ZFHX2: variants seen among roughly 807,000 people sequenced by gnomAD.
The protein encoded by ZFHX2 is zinc finger homeobox 2, also known as zinc finger homeobox protein 2.
A neutral mutation model predicts 164.8 loss-of-function variants in ZFHX2; 75 were observed. The observed-to-expected ratio is 0.46, with a 90% CI of 0.38 to 0.55. ZFHX2 has a LOEUF of 0.55. ZFHX2 is among the 20% of genes least tolerant of loss of function. ZFHX2 has a pLI of 0.00. For synonymous variants in ZFHX2, 1,217 were observed against 1,351.4 expected (o/e 0.90, Z 2.18); for missense variants, 2,933 against 3,308.0 (o/e 0.89, Z 2.78).
rs960327687 is a variant in ZFHX2, at chr14:23,523,895, G to A, written c.6047C>T (p.Ala2016Val). Residue 2016 changes from alanine to valine, a missense_variant, in exon 9 of 10, where the codon GCT becomes GTT. Transcript: ENST00000419474. The surrounding 1 kb of genome is among the most constrained non-coding windows in gnomAD (Gnocchi z 4.1). ...EEEGPEEPPK[A>V]SPESEACSLS... is the part of the protein sequence containing the mutation. Reference sequence around the variant, plus strand: ...ACTGCAAGCCTCACTCTCTGGAGAAGCTTTAGGTGGTTCCTCTGGGCCCTC... The same window carrying A: ...ACTGCAAGCCTCACTCTCTGGAGAAACTTTAGGTGGTTCCTCTGGGCCCTC... 3.3e-6 allele frequency: 5 copies of A among 1,536,238 alleles called. No homozygotes were observed. Among genetic ancestry groups the A allele is most frequent in the Non-Finnish European group, 3.5e-6 (4 of 1,146,922 alleles).
In ZFHX2 at chr14:23,525,312, G is replaced by A. The variant is rs970267675; in HGVS notation, c.4630C>T (p.Pro1544Ser). 13 of 1,535,966 alleles carry A rather than the reference G, an allele frequency of 8.5e-6. No individual in the cohort carries two copies. The Admixed American group carries it at 1.8e-4, about 21-fold the overall frequency. Reference protein sequence around the residue: ...PKPPDGSLDSPVPHLGPPFLV... With the variant: ...PKPPDGSLDSSVPHLGPPFLV... ...AAGGGTGGGCCCAGATGGGGAACAG[G>A]TGAATCCAGAGACCCATCAGGAGGT... Residue 1544 changes from proline to serine, a missense_variant, in exon 9 of 10, where the codon CCT becomes TCT. Transcript: ENST00000419474. The surrounding 1 kb of genome is among the most constrained non-coding windows in gnomAD (Gnocchi z 5.9).
Position 23,532,558 on chromosome 14 carries a change from C to A in ZFHX2, c.2559+9G>T. On this transcript the variant is annotated intron_variant, in intron 3 of 9. Transcript: ENST00000419474. ...CCTCTTCCGATGGCCCTTCCTGACCCAGCCTCACCTTATAGATTTGGCTGT... is the reference window on the plus strand; with the variant it reads ...CCTCTTCCGATGGCCCTTCCTGACCAAGCCTCACCTTATAGATTTGGCTGT... 7.0e-7 allele frequency: 1 copy of A among 1,434,024 alleles called. No individual in the cohort carries two copies. 88.8% of individuals were successfully genotyped at this position (1,434,024 alleles called of 1,614,324 possible). A position where few individuals can be genotyped will look rare whatever the true frequency, so the allele number is the denominator to read the frequency against.
chr14:23,528,858 G>A (rs910247497), intron 6 of ZFHX2: 1 of 984,366 alleles, frequency 1.0e-6, no homozygotes, highest in Non-Finnish European at 1.2e-6. Context: ...TACCCAGCCT[G>A]CATCCAGGCT....
At position 23,522,098 on chromosome 14, in the gene ZFHX2, C is replaced by T; in HGVS notation, c.7583G>A (p.Gly2528Glu). Residue 2528 changes from glycine to glutamate, a missense_variant, in exon 10 of 10, where the codon GGG becomes GAG. Gly to Glu is a moderately conservative substitution (Grantham distance 98, BLOSUM62 -2). Transcript: ENST00000419474. ...GTTGGTGATGGAGATGGGTGGGCCC[C>T]CTTGAGGTGGGGCTGCCTTGCGCCT... ...AHRRKAAPPQ[G>E]GPPISITNAA... The T allele has an allele frequency of 1.3e-6, 2 of 1,535,682 alleles. No individual in the cohort carries two copies. The highest frequency in any genetic ancestry group is 1.7e-6 in the Non-Finnish European group (2 of 1,146,540).
chr14:23,544,436 T>C (rs1175129921), intron 1 of ZFHX2, among the ~76,000 whole-genome samples: 1 of 152,196 alleles, frequency 6.6e-6, no homozygotes, highest in Non-Finnish European at 1.5e-5. Context: ...TATGTGTATG[T>C]TGTTTTTTGA....
chr14:23,525,948 G>T lies in ZFHX2; in HGVS notation c.3994C>A (p.Leu1332Met). ...AAGAGAGGGGCTGGGAATCGGTGCA[G>T]GTCCAAGGGAGGTGGGGGAGGGGAC... ...FLSPPPPPLD[L>M]HRFPAPLFTP... is the part of the protein sequence containing the mutation. The change falls in exon 9 of 10, where the codon CTG (leucine) becomes ATG (methionine). Residue 1332 changes from leucine (L) to methionine (M), a missense_variant. Leu to Met is a conservative substitution (Grantham distance 15, BLOSUM62 2). Coordinates refer to ENST00000419474, the MANE Select transcript of ZFHX2 (RefSeq NM_033400.3). This position sits in a 1 kb window ranked among gnomAD's most constrained non-coding sequence, Gnocchi z 5.9. 6.7e-7 allele frequency: 1 copy of T among 1,496,040 alleles called. No homozygotes were observed. Among genetic ancestry groups the T allele is most frequent in the Non-Finnish European group, 8.9e-7 (1 of 1,126,374 alleles). The allele number at this position is 1,496,040 out of a possible 1,614,324, so 92.7% of individuals were successfully genotyped here.
intron 4 of ZFHX2, 69 bp downstream of exon 4, chr14:23,531,412 G>A: frequency 7.5e-7 from 1 of 1,336,154 alleles, no homozygotes; most frequent in Non-Finnish European, 9.6e-7. Flanking sequence ...TAACTCCGCA[G>A]CCCCCCTGCT....
Position 23,527,743 on chromosome 14 carries a change from G to C in ZFHX2, c.2996C>G (p.Thr999Arg). The C allele has an allele frequency of 6.5e-7, 1 of 1,536,140 alleles. No individual in the cohort carries two copies. Among genetic ancestry groups the C allele is most frequent in the Admixed American group, 2.0e-5 (1 of 50,998 alleles). ...SPESSQVRAH[T>R]LSQHAVQPKY... ...GGGCTGCACTGCATGCTGGGAGAGT[G>C]TATGAGCCCTCACCTGGCTGGACTC... Residue 999 changes from threonine to arginine, a missense_variant, in exon 7 of 10, where the codon ACA becomes AGA. Coordinates refer to ENST00000419474, the MANE Select transcript of ZFHX2 (RefSeq NM_033400.3).
rs1881915177 is a variant in ZFHX2 at position 23,551,166 on chromosome 14, TC to T, written c.-50+176del. ...TCTCCCAGGGCTCTCGGTCTGTCTG[TC>T]CGTCCGTCCTTGTCCCCTCCCCCAG... On this transcript the variant is annotated intron_variant, in intron 1 of 9. Transcript: ENST00000419474. The surrounding 1 kb of genome is among the most constrained non-coding windows in gnomAD (Gnocchi z 5.3). Among the ~76,000 whole-genome samples the T allele has an allele frequency of 1.3e-5, 2 of 151,630 alleles. No homozygotes were observed. Among genetic ancestry groups the T allele is most frequent in the South Asian group, 4.2e-4 (2 of 4,746 alleles).
rs929034390 is a variant in ZFHX2 at position 23,546,044 on chromosome 14, C to A, written c.-50+5299G>T. Among the ~76,000 whole-genome samples, 1 of 152,226 alleles carries A rather than the reference C, an allele frequency of 6.6e-6. No individual in the cohort carries two copies. The highest frequency in any genetic ancestry group is 1.5e-5 in the Non-Finnish European group (1 of 68,046). ...AGAGGTCCAGGGCAGTTAGCTATGA[C>A]TGGAGGAGGCACTAGGGAAATGTGC... On this transcript the variant is annotated intron_variant, in intron 1 of 9. Coordinates refer to ENST00000419474, the MANE Select transcript of ZFHX2 (RefSeq NM_033400.3). The surrounding 1 kb of genome is among the most constrained non-coding windows in gnomAD (Gnocchi z 4.7).
At chr14:23,543,366 T>C (rs2138874389) in intron 1 of ZFHX2, 1 of 152,364 alleles carries the variant, frequency 6.6e-6, no homozygotes, top group Admixed American at 6.5e-5. Flanking sequence ...TCAGGTAGCC[T>C]GATGTCAGTA....
Position 23,526,440 on chromosome 14 carries a change from G to A in ZFHX2, c.3502C>T (p.Arg1168Cys), listed in dbSNP as rs1028051281. The change falls in exon 9 of 10, where the codon CGC becomes TGC. Residue 1168 changes from arginine (R) to cysteine (C), a missense_variant. Transcript: ENST00000419474. Reference sequence around the variant, plus strand: ...GTTTTCCGATAGGTCAGAGGGTGGCGAGAGTCAGCTGGAGCTGGCTCTGCA... The same window carrying A: ...GTTTTCCGATAGGTCAGAGGGTGGCAAGAGTCAGCTGGAGCTGGCTCTGCA... ...RSAEPAPADS[R>C]HPLTYRKTTN... The A allele has an allele frequency of 1.2e-5, 19 of 1,536,174 alleles. No homozygotes were observed. The highest frequency in any genetic ancestry group is 2.0e-5 in the Admixed American group (1 of 50,982).
Position 23,525,076 on chromosome 14 carries a change from G to A in ZFHX2, c.4866C>T (p.Asp1622=), listed in dbSNP as rs61995702. The change falls in exon 9 of 10, where the codon GAC becomes GAT. Residue 1622 remains aspartate (D), a synonymous_variant. Coordinates refer to ENST00000419474, the MANE Select transcript of ZFHX2 (RefSeq NM_033400.3). This position sits in a 1 kb window ranked among gnomAD's most constrained non-coding sequence, Gnocchi z 5.9. ...SFFETSAYPK[D]GEVERLASLL... The stretch of plus-strand genomic sequence containing the variant: ...GACTTGCGAGTCGCTCCACCTCTCC[G>A]TCTTTGGGGTAGGCGCTAGTCTCAA... 3.4e-3 allele frequency: 5,207 copies of A among 1,536,104 alleles called. 149 individuals carry two copies. The African/African-American group carries it at 0.062, about 18-fold the overall frequency.
upstream of ZFHX2, among the ~76,000 whole-genome samples, chr14:23,555,377 C>A (rs1882276886): frequency 6.6e-6 from 1 of 152,196 alleles, no homozygotes; most frequent in African/African-American, 2.4e-5. Flanking sequence ...CTGACAAACT[C>A]CTCAGTCTAG....
Position 23,542,865 on chromosome 14 carries a change from A to C in ZFHX2, c.-49-7491T>G, listed in dbSNP as rs1880977541. ...ATTCCCCTGCCTCAGCCTCCCGAGT[A>C]GCTGGGATTACAGGCGCGTACCACC... On this transcript the variant is annotated intron_variant, in intron 1 of 9. Transcript: ENST00000419474. The C allele has an allele frequency of 2.0e-5, 3 of 151,986 alleles. No individual in the cohort carries two copies. The South Asian group carries it at 6.2e-4, about 32-fold the overall frequency. The allele number at this position is 151,986 out of a possible 1,614,324, so 9.4% of individuals were successfully genotyped here. A position where few individuals can be genotyped will look rare whatever the true frequency, so the allele number is the denominator to read the frequency against.
rs372138892 is a variant in ZFHX2, at chr14:23,528,814, G to A, written c.2934+896C>T. The A allele has an allele frequency of 4.9e-4, 483 of 985,404 alleles. 6 individuals are homozygous for A. In the South Asian group the frequency reaches 0.021, roughly 43 times the overall value. The allele number at this position is 985,404 out of a possible 1,614,324, so 61.0% of individuals were successfully genotyped here. ...GCCACACTTCCAGAGGGGTGAGGCT[G>A]CCAGAGGCCCCACCATCACCTGACT... On this transcript the variant is annotated intron_variant, in intron 6 of 9. Transcript: ENST00000419474.
intron 1 of ZFHX2, chr14:23,543,983 G>C (rs1031839914): frequency 1.3e-5 from 2 of 152,148 alleles, no homozygotes; most frequent in Non-Finnish European, 2.9e-5. Flanking sequence ...GGGCAGGCCG[G>C]GCACGCGCCT....
intron 1 of ZFHX2, among the ~76,000 whole-genome samples, chr14:23,549,798 T>C (rs1443809431): frequency 6.6e-6 from 1 of 152,204 alleles, no homozygotes; most frequent in Non-Finnish European, 1.5e-5. Flanking sequence ...TTGGCCTGTT[T>C]ATGTGCCTTC....
In ZFHX2 at chr14:23,532,673, G is replaced by C. The variant is rs759963557; in HGVS notation, c.2453C>G (p.Pro818Arg). Residue 818 changes from proline (P) to arginine (R), a missense_variant, in exon 3 of 10, where the codon CCA becomes CGA. By Grantham distance (103) the Pro-to-Arg change is moderately radical. Transcript: ENST00000419474. ...ACAGATGTTGCAGCGCAGGTGTAGT[G>C]GGGAGACAGACCCATAAGGAGCCCC... ...GDGAPYGSVS[P>R]LHLRCNICDF... The C allele has an allele frequency of 3.0e-5, 45 of 1,517,632 alleles. No homozygotes were observed. The highest frequency in any genetic ancestry group is 3.9e-5 in the Non-Finnish European group (44 of 1,136,714). 94.0% of individuals were successfully genotyped at this position (1,517,632 alleles called of 1,614,324 possible).
Sources: allele counts gnomAD v4.1 joint callset (sites outside exome capture counted in the v4.1 genomes callset), GRCh38; gene constraint gnomAD v4.1.1; non-coding constraint Gnocchi (gnomAD v3.1); transcripts MANE v1.5; gene names NCBI Gene and HGNC (gene_info 2026-07-23, HGNC 2026-07-21).